UBE2D2: variants seen among roughly 807,000 people sequenced by gnomAD.
UBE2D2 encodes ubiquitin-conjugating enzyme E2 D2.
In UBE2D2, 2 loss-of-function variants were observed where a neutral mutation model predicts 24.2. That is an observed-to-expected ratio of 0.08 (90% CI 0.03 to 0.26). The LOEUF is 0.26. Among genes scored for constraint, UBE2D2 ranks in the 10% least tolerant of loss-of-function variants. The probability of loss-of-function intolerance (pLI) is 1.00; values close to 1 mark genes in which losing one functional copy is unlikely to be tolerated. For missense variants in UBE2D2, 44 were observed against 177.6 expected (o/e 0.25, Z 4.28); for synonymous variants, 58 against 56.5 (o/e 1.03, Z -0.12).
chr5:139,579,503 G>A (rs1451448665), intron 1 of UBE2D2, among the ~76,000 whole-genome samples: 1 of 151,796 alleles, frequency 6.6e-6, no homozygotes, highest in African/African-American at 2.4e-5. Context: ...GGCTAGGCTG[G>A]TTTGGGAACT....
intron 1 of UBE2D2, among the ~76,000 whole-genome samples, chr5:139,542,288 C>T (rs1371956565): frequency 4.6e-5 from 7 of 152,166 alleles, no homozygotes; most frequent in African/African-American, 7.2e-5. Flanking sequence ...AGGCATGAGC[C>T]ACCACACTCA....
intron 5 of UBE2D2, among the ~76,000 whole-genome samples, chr5:139,620,976 A>T (rs1422022350): frequency 6.6e-6 from 1 of 152,214 alleles, no homozygotes; most frequent in Non-Finnish European, 1.5e-5. Flanking sequence ...CGGGTGTGGT[A>T]GTTCACGCCT....
In UBE2D2 at chr5:139,615,027, T is replaced by C. The variant is rs562007144; in HGVS notation, c.304+61T>C. The C allele has an allele frequency of 2.4e-5, 34 of 1,436,222 alleles. No individual in the cohort carries two copies. In the South Asian group the frequency reaches 3.3e-4, roughly 14 times the overall value. 89.0% of individuals were successfully genotyped at this position (1,436,222 alleles called of 1,614,324 possible). The stretch of plus-strand genomic sequence containing the variant: ...CGTGTCTTTTGTCTTTTTAGAGTTA[T>C]TTATTTTTGAAAAGATTACTTATGT... On this transcript the variant is annotated intron_variant, in intron 5 of 6. Transcript: ENST00000398733.
chr5:139,559,746 G>A (rs1429418282), upstream of UBE2D2, among the ~76,000 whole-genome samples: 1 of 152,116 alleles, frequency 6.6e-6, no homozygotes, highest in Non-Finnish European at 1.5e-5. Context: ...GATCTGCAAG[G>A]TCCTTTCTGG....
At chr5:139,611,127 C>T (rs1375183703) in intron 2 of UBE2D2, among the ~76,000 whole-genome samples, 1 of 149,662 alleles carries the variant, frequency 6.7e-6, no homozygotes, top group Non-Finnish European at 1.5e-5. Context: ...ATACAGTTCT[C>T]CTAGAATATA....
chr5:139,582,427 T>A (rs2126666725), intron 1 of UBE2D2, among the ~76,000 whole-genome samples: 1 of 152,002 alleles, frequency 6.6e-6, no homozygotes, highest in Non-Finnish European at 1.5e-5. Context: ...GCCAGGCTGG[T>A]CTTGGACTCC....
chr5:139,546,551 C>G (rs1301876661), intron 1 of UBE2D2, among the ~76,000 whole-genome samples: 4 of 151,772 alleles, frequency 2.6e-5, no homozygotes, highest in Non-Finnish European at 4.4e-5. Flanking sequence ...GGTGAGATCT[C>G]AGCTCACTGT....
Position 139,561,462 on chromosome 5 carries a change from G to A in UBE2D2, c.-330G>A. 1 of 320,484 alleles carries A rather than the reference G, an allele frequency of 3.1e-6. No homozygotes were observed. The highest frequency in any genetic ancestry group is 5.0e-5 in the East Asian group (1 of 20,176). The allele number at this position is 320,484 out of a possible 1,614,324, so 19.9% of individuals were successfully genotyped here. A position where few individuals can be genotyped will look rare whatever the true frequency, so the allele number is the denominator to read the frequency against. Reference sequence around the variant, plus strand: ...GAGGCCGGCCGAGCCCGAGGCTTGGGCTTTTGCTTTCTGGCGGAGGGATCT... The same window carrying A: ...GAGGCCGGCCGAGCCCGAGGCTTGGACTTTTGCTTTCTGGCGGAGGGATCT... On this transcript the variant is annotated 5_prime_UTR_variant, in exon 1 of 7. Coordinates refer to ENST00000398733, the MANE Select transcript of UBE2D2 (RefSeq NM_003339.3).
chr5:139,566,710 A>G (rs1168485863), intron 1 of UBE2D2, among the ~76,000 whole-genome samples: 1 of 152,098 alleles, frequency 6.6e-6, no homozygotes, highest in Non-Finnish European at 1.5e-5. Flanking sequence ...TCAAACTCTG[A>G]TGTCTATAAA....
At position 139,591,688 on chromosome 5, in the gene UBE2D2, G is replaced by T. The variant is rs79210753; in HGVS notation, c.25-8684G>T. ...GTCAAATTATGTCTTTCAAACTCAT[G>T]TAAGTTAATGAGTTACTAATATTTC... On this transcript the variant is annotated intron_variant, in intron 1 of 6. Coordinates refer to ENST00000398733, the MANE Select transcript of UBE2D2 (RefSeq NM_003339.3). Among the ~76,000 whole-genome samples the T allele has an allele frequency of 5.3e-5, 8 of 152,292 alleles. No homozygotes were observed. The East Asian group carries it at 1.5e-3, about 29-fold the overall frequency.
At chr5:139,556,762 G>T (rs974196088), upstream of UBE2D2, among the ~76,000 whole-genome samples, 1 of 149,606 alleles carries the variant, frequency 6.7e-6, no homozygotes, top group African/African-American at 2.4e-5. Context: ...CAACATAAAT[G>T]AACAAATTCC....
chr5:139,571,204 C>T (rs762852633), intron 1 of UBE2D2, among the ~76,000 whole-genome samples: 3 of 151,766 alleles, frequency 2.0e-5, no homozygotes, highest in Admixed American at 6.6e-5. Context: ...GTCAGGAGAT[C>T]GAGACCATCC....
intron 1 of UBE2D2, among the ~76,000 whole-genome samples, chr5:139,583,516 C>T (rs1392221055): frequency 6.6e-6 from 1 of 152,096 alleles, no homozygotes; most frequent in Non-Finnish European, 1.5e-5. Context: ...AATCCCAGAA[C>T]TTTGGGAGGC....
intron 1 of UBE2D2, among the ~76,000 whole-genome samples, chr5:139,551,638 G>A (rs1752922677): frequency 6.6e-6 from 1 of 152,164 alleles, no homozygotes; most frequent in South Asian, 2.1e-4. Context: ...TAGACACTGG[G>A]GATTAAAAGA....
At chr5:139,550,770 C>G (rs1752906908) in intron 1 of UBE2D2, among the ~76,000 whole-genome samples, 1 of 151,790 alleles carries the variant, frequency 6.6e-6, no homozygotes, top group Non-Finnish European at 1.5e-5. Flanking sequence ...CTGTGAAAGT[C>G]TGCAGCTTCA....
At chr5:139,551,229 C>G (rs974582680) in intron 1 of UBE2D2, among the ~76,000 whole-genome samples, 1 of 152,092 alleles carries the variant, frequency 6.6e-6, no homozygotes, top group Non-Finnish European at 1.5e-5. Flanking sequence ...GCTTGTAATT[C>G]CAGCTACCCA....
intron 1 of UBE2D2, among the ~76,000 whole-genome samples, chr5:139,593,855 A>G (rs1033875957): frequency 1.3e-5 from 2 of 152,184 alleles, no homozygotes; most frequent in Admixed American, 6.5e-5. Flanking sequence ...GCCTCAAGCC[A>G]TCCTCCCACC....
chr5:139,581,186 C>T (rs995622930), intron 1 of UBE2D2, among the ~76,000 whole-genome samples: 3 of 152,072 alleles, frequency 2.0e-5, no homozygotes, highest in South Asian at 2.1e-4. Flanking sequence ...TGGTGGCTCA[C>T]GCCTGTAATC....
At chr5:139,595,995 GCA>G (rs1380816463) in intron 1 of UBE2D2, among the ~76,000 whole-genome samples, 2 of 148,702 alleles carry the variant, frequency 1.3e-5, no homozygotes, top group Admixed American at 1.4e-4. Flanking sequence ...CCTCGTTCAG[GCA>G]ATTCTCCTGC....
Sources: allele counts gnomAD v4.1 joint callset (sites outside exome capture counted in the v4.1 genomes callset), GRCh38; gene constraint gnomAD v4.1.1; transcripts MANE v1.5; gene names NCBI Gene and HGNC (gene_info 2026-07-23, HGNC 2026-07-21).